TIGIT: variants seen among roughly 807,000 people sequenced by gnomAD.
TIGIT encodes the protein T cell immunoreceptor with Ig and ITIM domains.
Under a neutral mutation model 19.6 loss-of-function variants are expected in TIGIT, and 11 were observed. That is an observed-to-expected ratio of 0.56 (90% CI 0.35 to 0.93). The LOEUF is 0.93. Among genes scored for constraint, TIGIT ranks in the 40% least tolerant of loss-of-function variants. The pLI is 0.01. For missense variants in TIGIT, 295 were observed against 303.9 expected (o/e 0.97, Z 0.22); for synonymous variants, 130 against 125.5 (o/e 1.04, Z -0.24).
intron 3 of TIGIT, among the ~76,000 whole-genome samples, chr3:114,305,858 A>ATGGG (rs1189844269): frequency 6.7e-6 from 1 of 149,118 alleles, no homozygotes; most frequent in Non-Finnish European, 1.5e-5. Context: ...GGGTGGATGG[A>ATGGG]TGGATGGATA....
chr3:114,306,649 C>T (rs2078537003), intron 3 of TIGIT, among the ~76,000 whole-genome samples: 1 of 152,136 alleles, frequency 6.6e-6, no homozygotes, highest in Admixed American at 6.5e-5. Flanking sequence ...TAATGTAAGG[C>T]ACTTAGCATT....
rs1560036414 is a variant in TIGIT, at chr3:114,310,049, G to C, written c.*1918G>C. 1 of 152,128 alleles carries C rather than the reference G, an allele frequency of 6.6e-6. No individual in the cohort carries two copies. Among genetic ancestry groups the C allele is most frequent in the Non-Finnish European group, 1.5e-5 (1 of 68,024 alleles). 9.4% of individuals were successfully genotyped at this position (152,128 alleles called of 1,614,324 possible). On this transcript the variant is annotated 3_prime_UTR_variant, in exon 4 of 4. Coordinates refer to ENST00000383671, the MANE Select transcript of TIGIT (RefSeq NM_173799.4). ...ACCAGAGAAGACCATTTCATAGTTG[G>C]ATTCCTGGAGACATGCGCTATCCAC...
At chr3:114,301,114 C>A (rs1436569590) in intron 3 of TIGIT, among the ~76,000 whole-genome samples, 1 of 152,118 alleles carries the variant, frequency 6.6e-6, no homozygotes, top group African/African-American at 2.4e-5. Context: ...GAAAGAATTT[C>A]CACTCCTTGT....
chr3:114,302,483 G>T (rs1163303743), intron 3 of TIGIT, among the ~76,000 whole-genome samples: 1 of 152,192 alleles, frequency 6.6e-6, no homozygotes, highest in Non-Finnish European at 1.5e-5. Flanking sequence ...CTGCCCAGCT[G>T]TATCTCTCCT....
chr3:114,303,529 GTA>G (rs1309447921), intron 3 of TIGIT, among the ~76,000 whole-genome samples: 106 of 9,590 alleles, frequency 0.011, 4 homozygotes, highest in Non-Finnish European at 0.019. Flanking sequence ...ACATATATAT[GTA>G]TATATATACA....
At chr3:114,294,264 T>A in intron 1 of TIGIT, 142 bp downstream of exon 1, 1 of 635,572 alleles carries the variant, frequency 1.6e-6, no homozygotes, top group Non-Finnish European at 2.8e-6. Context: ...TAGAGTCCTG[T>A]GTACTCTTAT....
At chr3:114,305,753 C>T (rs535547802) in intron 3 of TIGIT, among the ~76,000 whole-genome samples, 66 of 150,504 alleles carry the variant, frequency 4.4e-4, no homozygotes, top group Non-Finnish European at 5.9e-4. Context: ...TATGGGTCTC[C>T]GGAGGGACAG....
At chr3:114,307,874 T>G (rs1330065389) in intron 3 of TIGIT, 21 bp from the exon 4 acceptor site, 3 of 1,595,798 alleles carry the variant, frequency 1.9e-6, no homozygotes, top group Non-Finnish European at 2.6e-6. Context: ...CATACTCACT[T>G]TGTAGTTTGT....
Position 114,308,340 on chromosome 3 carries a change from G to A in TIGIT, c.*209G>A. 2.0e-6 allele frequency: 1 copy of A among 509,642 alleles called. No individual in the cohort carries two copies. Among genetic ancestry groups the A allele is most frequent in the Non-Finnish European group, 3.5e-6 (1 of 288,238 alleles). 31.6% of individuals were successfully genotyped at this position (509,642 alleles called of 1,614,324 possible). A position where few individuals can be genotyped will look rare whatever the true frequency, so the allele number is the denominator to read the frequency against. On this transcript the variant is annotated 3_prime_UTR_variant, in exon 4 of 4. Transcript: ENST00000383671. Reference sequence around the variant, plus strand: ...CCATTTTGCATTATGGCAGGCCTAGGGTGAGTAACGTGGATCTTGATCATA... The same window carrying A: ...CCATTTTGCATTATGGCAGGCCTAGAGTGAGTAACGTGGATCTTGATCATA...
rs1560033493 is a variant in TIGIT, at chr3:114,303,536, T to C, written c.498+3833T>C. Among the ~76,000 whole-genome samples the C allele has an allele frequency of 2.3e-3, 17 of 7,520 alleles. 2 individuals carry two copies. The highest frequency in any genetic ancestry group is 2.8e-3 in the Admixed American group (1 of 358). The allele number at this position is 7,520 out of a possible 152,430, so 4.9% of individuals were successfully genotyped here. The stretch of plus-strand genomic sequence containing the variant: ...ATATATACACATATATATGTATATA[T>C]ATACACATATATATGTATATATATA... On this transcript the variant is annotated intron_variant, in intron 3 of 3. Coordinates refer to ENST00000383671, the MANE Select transcript of TIGIT (RefSeq NM_173799.4).
Position 114,297,348 on chromosome 3 carries a change from G to A in TIGIT, c.391+1474G>A, listed in dbSNP as rs940133391. ...AATTTCATGAGCTGATACAAGTAAG[G>A]TCTTACAACAGTGCTAGATAGGTAA... On this transcript the variant is annotated intron_variant, in intron 2 of 3. Coordinates refer to ENST00000383671, the MANE Select transcript of TIGIT (RefSeq NM_173799.4). Among the ~76,000 whole-genome samples, 72 of 152,140 alleles carry A rather than the reference G, an allele frequency of 4.7e-4. 1 individual carries two copies. Among genetic ancestry groups the A allele is most frequent in the African/African-American group, 1.7e-3 (72 of 41,422 alleles).
rs2078555107 is a variant in TIGIT at position 114,309,116 on chromosome 3, C to T, written c.*985C>T. On this transcript the variant is annotated 3_prime_UTR_variant, in exon 4 of 4. Coordinates refer to ENST00000383671, the MANE Select transcript of TIGIT (RefSeq NM_173799.4). Reference sequence around the variant, plus strand: ...TTTTCTGCATCAATACACTCTTGAGCCTTTGAAAAAAGAACGTTTCCCACT... The same window carrying T: ...TTTTCTGCATCAATACACTCTTGAGTCTTTGAAAAAAGAACGTTTCCCACT... 1 of 151,982 alleles carries T rather than the reference C, an allele frequency of 6.6e-6. No homozygotes were observed. The highest frequency in any genetic ancestry group is 2.4e-5 in the African/African-American group (1 of 41,362). The allele number at this position is 151,982 out of a possible 1,614,324, so 9.4% of individuals were successfully genotyped here. A position where few individuals can be genotyped will look rare whatever the true frequency, so the allele number is the denominator to read the frequency against.
In TIGIT at chr3:114,307,878, A is replaced by AGTTT; in HGVS notation, c.499-8_499-5dup. On this transcript the variant is annotated splice_polypyrimidine_tract_variant and intron_variant, in intron 3 of 3. Transcript: ENST00000383671. ...TAACATCCCCACATACTCACTTTGT[A>AGTTT]GTTTGTTTGTTTTTAGAAGAAAGCC... 6.2e-7 allele frequency: 1 copy of AGTTT among 1,605,846 alleles called. No homozygotes were observed. Among genetic ancestry groups the AGTTT allele is most frequent in the Non-Finnish European group, 8.5e-7 (1 of 1,172,620 alleles).
intron 3 of TIGIT, among the ~76,000 whole-genome samples, chr3:114,300,680 T>G (rs1328506228): frequency 6.6e-6 from 1 of 152,116 alleles, no homozygotes; most frequent in Non-Finnish European, 1.5e-5. Flanking sequence ...GGCTGGGAAG[T>G]CCAGGAGCAT....
chr3:114,307,846 T>C (rs2078545668), intron 3 of TIGIT, 49 bp from the exon 4 acceptor site: 16 of 1,537,752 alleles, frequency 1.0e-5, no homozygotes, highest in Non-Finnish European at 1.4e-5. Context: ...GGGGATTAAC[T>C]GTTGAATAAC....
At chr3:114,299,757 G>A (rs1055783473) in intron 3 of TIGIT, 54 bp downstream of exon 3, 12 of 1,247,586 alleles carry the variant, frequency 9.6e-6, no homozygotes, top group Admixed American at 7.1e-5. Context: ...TCTGGCACCC[G>A]GGTCCTTTCA....
At position 114,297,079 on chromosome 3, in the gene TIGIT, A is replaced by G. The variant is rs562310452; in HGVS notation, c.391+1205A>G. Among the ~76,000 whole-genome samples, 107 of 152,036 alleles carry G rather than the reference A, an allele frequency of 7.0e-4. 1 individual carries two copies. Among genetic ancestry groups the G allele is most frequent in the African/African-American group, 2.4e-3 (98 of 41,468 alleles). ...GCCCGGCTAATTTTGTATTTTTAGT[A>G]GAGACAGGGTTTCTTCACGTTGGTC... is the stretch of plus-strand genomic sequence containing the variant. On this transcript the variant is annotated intron_variant, in intron 2 of 3. Transcript: ENST00000383671.
chr3:114,307,059 T>C (rs567833588), intron 3 of TIGIT, among the ~76,000 whole-genome samples: 1 of 152,344 alleles, frequency 6.6e-6, no homozygotes, highest in African/African-American at 2.4e-5. Flanking sequence ...ATTTCAGAAC[T>C]GCCTAGGATT....
At position 114,307,986 on chromosome 3, in the gene TIGIT, C is replaced by G. The variant is rs756645505; in HGVS notation, c.590C>G (p.Pro197Arg). Residue 197 changes from proline (P) to arginine (R), a missense_variant, in exon 4 of 4, where the codon CCA (proline) becomes CGA (arginine). Pro to Arg is a moderately radical substitution (Grantham distance 103, BLOSUM62 -2). Coordinates refer to ENST00000383671, the MANE Select transcript of TIGIT (RefSeq NM_173799.4). ...TGGAGCCCCAGTGCTCCCTCACCCCCAGGAAGCTGTGTCCAGGCAGAAGCT... is the reference window on the plus strand; with the variant it reads ...TGGAGCCCCAGTGCTCCCTCACCCCGAGGAAGCTGTGTCCAGGCAGAAGCT... The part of the protein sequence containing the change: ...EEWSPSAPSP[P>R]GSCVQAEAAP... The G allele has an allele frequency of 1.2e-6, 2 of 1,614,110 alleles. No homozygotes were observed. The highest frequency in any genetic ancestry group is 1.7e-6 in the Non-Finnish European group (2 of 1,180,028).
Sources: allele counts gnomAD v4.1 joint callset (sites outside exome capture counted in the v4.1 genomes callset), GRCh38; gene constraint gnomAD v4.1.1; transcripts MANE v1.5; gene names NCBI Gene and HGNC (gene_info 2026-07-23, HGNC 2026-07-21).